Variants in GSDMA observed in about 807,000 individuals in gnomAD.
GSDMA encodes gasdermin A, also known as gasdermin-A.
In GSDMA, 55 loss-of-function variants were observed where a neutral mutation model predicts 54.3. The observed-to-expected ratio is 1.01, with a 90% confidence interval of 0.82 to 1.27. GSDMA has a LOEUF of 1.27. Ranked by LOEUF, GSDMA falls within the 50% of genes most tolerant of loss-of-function variation. The probability of loss-of-function intolerance (pLI) is 0.00; values close to 1 mark genes in which losing one functional copy is unlikely to be tolerated. For synonymous variants in GSDMA, 211 were observed against 224.7 expected (o/e 0.94, Z 0.54); for missense variants, 542 against 542.6 (o/e 1.00, Z 0.01).
intron 1 of GSDMA, chr17:39,965,400 T>A: frequency 4.8e-6 from 2 of 414,390 alleles, no homozygotes; most frequent in Non-Finnish European, 8.8e-6. Context: ...GAGCGTGGAG[T>A]GAGAAAAATG....
At chr17:39,971,021 C>T (rs1038989809) in intron 4 of GSDMA, among the ~76,000 whole-genome samples, 7 of 152,222 alleles carry the variant, frequency 4.6e-5, no homozygotes, top group African/African-American at 7.2e-5. Context: ...GCCCAGAGAA[C>T]ACAGGCTTGG....
intron 3 of GSDMA, 89 bp from the exon 4 acceptor site, chr17:39,970,393 A>T: frequency 8.0e-7 from 1 of 1,246,380 alleles, no homozygotes; most frequent in Non-Finnish European, 1.1e-6. Context: ...CACAATGTCT[A>T]GTTCCTGGGA....
intron 3 of GSDMA, among the ~76,000 whole-genome samples, chr17:39,970,142 G>T (rs55757004): frequency 0.061 from 9,319 of 151,886 alleles, 396 homozygotes; most frequent in Non-Finnish European, 0.096. Context: ...AGGAAAGAGG[G>T]GGGGAGCATC....
intron 10 of GSDMA, among the ~76,000 whole-genome samples, chr17:39,975,232 C>T (rs957462969): frequency 5.9e-5 from 9 of 152,068 alleles, no homozygotes; most frequent in African/African-American, 1.9e-4. Flanking sequence ...ATGGATCACC[C>T]GTGATCAAGA....
At chr17:39,971,649 CA>C in intron 5 of GSDMA, 29 bp downstream of exon 5, 1 of 1,549,930 alleles carries the variant, frequency 6.5e-7, no homozygotes, top group South Asian at 1.1e-5. Context: ...GTTCTCCCCA[CA>C]AGATGAGAAT....
chr17:39,965,119 C>T (rs1325349049), intron 1 of GSDMA, among the ~76,000 whole-genome samples: 6 of 148,598 alleles, frequency 4.0e-5, no homozygotes, highest in Admixed American at 6.8e-5. Flanking sequence ...GACCCTGTCT[C>T]GGAAGAAAAG....
intron 1 of GSDMA, among the ~76,000 whole-genome samples, chr17:39,965,116 T>G (rs1487708792): frequency 6.8e-6 from 1 of 147,560 alleles, no homozygotes; most frequent in Non-Finnish European, 1.5e-5. Flanking sequence ...TAAGACCCTG[T>G]CTCGGAAGAA....
rs2144796462 is a variant in GSDMA, at chr17:39,974,254, C to T, written c.752-19C>T. ...AGGTGCCCGATGGAGGGCTGTGTGT[C>T]CCATTATTGTCCCCATAGGGGACGT... On this transcript the variant is annotated intron_variant, in intron 8 of 11. Transcript: ENST00000301659. 6.3e-7 allele frequency: 1 copy of T among 1,596,378 alleles called. No homozygotes were observed. Among genetic ancestry groups the T allele is most frequent in the Non-Finnish European group, 8.5e-7 (1 of 1,170,718 alleles).
Position 39,974,962 on chromosome 17 carries a change from G to C in GSDMA, c.969G>C (p.Leu323=). 1 of 1,613,192 alleles carries C rather than the reference G, an allele frequency of 6.2e-7. No individual in the cohort carries two copies. The highest frequency in any genetic ancestry group is 8.5e-7 in the Non-Finnish European group (1 of 1,179,554). The change falls in exon 10 of 12, where the codon CTG becomes CTC. Residue 323 remains leucine, a synonymous_variant. Transcript: ENST00000301659. ...TGGAGGCACTCCCAAAAGATGTCCT[G>C]CTATCAAAGGAGGCCGTGGGCGCCA... The part of the protein sequence containing the change: ...VTLEALPKDV[L]LSKEAVGAIL...
At chr17:39,966,006 G>A (rs956663295) in intron 2 of GSDMA, 105 bp downstream of exon 2, 1 of 1,091,824 alleles carries the variant, frequency 9.2e-7, no homozygotes, top group African/African-American at 1.6e-5. Flanking sequence ...GAGGTGATTA[G>A]ATGTCATCTA....
At chr17:39,973,715 G>GTATTTCCT in intron 7 of GSDMA, 95 bp from the exon 8 acceptor site, 1 of 1,000,242 alleles carries the variant, frequency 1.0e-6, no homozygotes, top group Non-Finnish European at 1.5e-6. Context: ...CAGGCAGGAT[G>GTATTTCCT]TATTTCCTCA....
chr17:39,964,829 C>T (rs1356646265), intron 1 of GSDMA, among the ~76,000 whole-genome samples: 1 of 151,758 alleles, frequency 6.6e-6, no homozygotes, highest in Non-Finnish European at 1.5e-5. Flanking sequence ...ACTTCCATTG[C>T]TAAATAAATG....
Position 39,970,604 on chromosome 17 carries a change from A to C in GSDMA, c.515A>C (p.Glu172Ala), listed in dbSNP as rs774472005. 6 of 1,591,036 alleles carry C rather than the reference A, an allele frequency of 3.8e-6. No individual in the cohort carries two copies. In the East Asian group the frequency reaches 1.2e-4, roughly 31 times the overall value. ...ACACTGGAGCGAGCCGGCAAGGCAGAGGCCTGCTTCTCCCTCCCCTTCTTC... is the reference window on the plus strand; with the variant it reads ...ACACTGGAGCGAGCCGGCAAGGCAGCGGCCTGCTTCTCCCTCCCCTTCTTC... ...EVTLERAGKA[E>A]ACFSLPFFAP... The change falls in exon 4 of 12, where the codon GAG becomes GCG. Residue 172 changes from glutamate (E) to alanine (A), a missense_variant. Physicochemically the swap from Glu to Ala is moderately radical, Grantham distance 107. Coordinates refer to ENST00000301659, the MANE Select transcript of GSDMA (RefSeq NM_178171.5).
chr17:39,974,192 G>A, intron 8 of GSDMA, 81 bp from the exon 9 acceptor site: 1 of 1,411,862 alleles, frequency 7.1e-7, no homozygotes, highest in Non-Finnish European at 9.5e-7. Flanking sequence ...GGGGCTGAGT[G>A]TAGGAGCCCT....
At chr17:39,966,507 C>A (rs376275877) in intron 3 of GSDMA, 70 bp downstream of exon 3, 2 of 1,370,034 alleles carry the variant, frequency 1.5e-6, no homozygotes, top group Non-Finnish European at 2.0e-6. Flanking sequence ...GTGCTTGGGG[C>A]CTTGAGCTGA....
In GSDMA at chr17:39,972,754, A is replaced by C. The variant is rs537627931; in HGVS notation, c.730+141A>C. ...ATAATTGTCCCCGAAACATGGCAGA[A>C]ATTCCAATAGCTTGGGAAAAAGCAG... On this transcript the variant is annotated intron_variant, in intron 7 of 11. Coordinates refer to ENST00000301659, the MANE Select transcript of GSDMA (RefSeq NM_178171.5). The C allele has an allele frequency of 3.6e-6, 3 of 824,226 alleles. No homozygotes were observed. The South Asian group carries it at 4.5e-5, about 12-fold the overall frequency. The allele number at this position is 824,226 out of a possible 1,614,324, so 51.1% of individuals were successfully genotyped here.
Position 39,972,126 on chromosome 17 carries a change from C to T in GSDMA, c.656-3C>T. On this transcript the variant is annotated splice_polypyrimidine_tract_variant and splice_region_variant and intron_variant, in intron 5 of 11. Transcript: ENST00000301659. ...CCCACCCTCCCTCCCTTGCCCTTCA[C>T]AGATATTCCACATATCTGCAATGAT... The T allele has an allele frequency of 2.5e-6, 2 of 786,960 alleles. No individual in the cohort carries two copies. Among genetic ancestry groups the T allele is most frequent in the South Asian group, 1.4e-5 (1 of 73,548 alleles). The allele number at this position is 786,960 out of a possible 1,614,324, so 48.7% of individuals were successfully genotyped here.
chr17:39,974,207 G>A, intron 8 of GSDMA, 66 bp from the exon 9 acceptor site: 1 of 1,494,400 alleles, frequency 6.7e-7, no homozygotes, highest in Non-Finnish European at 9.0e-7. Flanking sequence ...AGCCCTGCAG[G>A]GGGAATGCTG....
chr17:39,966,993 C>T (rs553965141), intron 3 of GSDMA, among the ~76,000 whole-genome samples: 80 of 50,430 alleles, frequency 1.6e-3, no homozygotes, highest in African/African-American at 3.8e-3. Context: ...TGGGCACCAC[C>T]GGATGTTTGG....
Sources: allele counts gnomAD v4.1 joint callset (sites outside exome capture counted in the v4.1 genomes callset), GRCh38; gene constraint gnomAD v4.1.1; transcripts MANE v1.5; gene names NCBI Gene and HGNC (gene_info 2026-07-23, HGNC 2026-07-21).